TSHZ2: variants seen among roughly 807,000 people sequenced by gnomAD.
TSHZ2 encodes the protein teashirt homolog 2.
In TSHZ2, 21 loss-of-function variants were observed where a neutral mutation model predicts 74.4. The ratio of observed to expected loss-of-function variants is 0.28; its 90% CI spans 0.20 to 0.41. TSHZ2 has a LOEUF of 0.41. Among genes scored for constraint, TSHZ2 ranks in the 10% least tolerant of loss-of-function variants. The pLI is 1.00. For missense variants in TSHZ2, 1,244 were observed against 1,293.5 expected, an observed-to-expected ratio of 0.96 and a Z score of 0.59; for synonymous variants, 540 against 515.3, an observed-to-expected ratio of 1.05 and a Z score of -0.65.
intron 1 of TSHZ2, among the ~76,000 whole-genome samples, chr20:53,081,438 C>G (rs1365478598): frequency 1.3e-5 from 2 of 152,204 alleles, no homozygotes; most frequent in Non-Finnish European, 2.9e-5. Flanking sequence ...ACACTGAACA[C>G]AGAAAACTGC....
intron 1 of TSHZ2, among the ~76,000 whole-genome samples, chr20:53,117,945 G>A (rs1354739947): frequency 6.6e-6 from 1 of 152,164 alleles, no homozygotes; most frequent in Non-Finnish European, 1.5e-5. Flanking sequence ...TGAGAAGTGT[G>A]TATTTTCATA....
intron 1 of TSHZ2, among the ~76,000 whole-genome samples, chr20:53,104,923 G>A (rs567554783): frequency 6.6e-6 from 1 of 152,312 alleles, no homozygotes; most frequent in South Asian, 2.1e-4. Flanking sequence ...TTTCCCGGGA[G>A]AGTTTTCTTC....
rs972526282 is a variant in TSHZ2, at chr20:53,494,069, G to A, written c.*6934G>A. The A allele has an allele frequency of 2.6e-5, 4 of 152,330 alleles. No homozygotes were observed. The highest frequency in any genetic ancestry group is 9.7e-5 in the African/African-American group (4 of 41,440). 9.4% of individuals were successfully genotyped at this position (152,330 alleles called of 1,614,324 possible). ...GAAGGCTGAGGCAGGCGGATCACTT[G>A]AGGTCAGGAGTTTCAGACCAACCTG... On this transcript the variant is annotated 3_prime_UTR_variant, in exon 3 of 3. Transcript: ENST00000371497.
At chr20:53,189,067 A>G (rs925384846) in intron 1 of TSHZ2, among the ~76,000 whole-genome samples, 73 of 152,338 alleles carry the variant, frequency 4.8e-4, no homozygotes, top group African/African-American at 1.7e-3. Flanking sequence ...AAGGATTTGC[A>G]TATCATTTAT....
intron 2 of TSHZ2, among the ~76,000 whole-genome samples, chr20:53,439,432 C>T (rs1600640145): frequency 6.6e-6 from 1 of 152,168 alleles, no homozygotes; most frequent in Non-Finnish European, 1.5e-5. Context: ...CCCTTTCTAG[C>T]CATTTCTGGT....
At position 53,370,527 on chromosome 20, in the gene TSHZ2, G is replaced by A. The variant is rs149660410; in HGVS notation, c.*8+113956G>A. Among the ~76,000 whole-genome samples the A allele has an allele frequency of 2.8e-4, 43 of 152,310 alleles. No individual in the cohort carries two copies. In the East Asian group the frequency reaches 5.2e-3, roughly 18 times the overall value. On this transcript the variant is annotated intron_variant, in intron 2 of 2. Transcript: ENST00000371497. Reference sequence around the variant, plus strand: ...TGTGATCCCAGCACTTTGGAAGACCGAGGCAGACGGATAGATTGAGCCCAG... The same window carrying A: ...TGTGATCCCAGCACTTTGGAAGACCAAGGCAGACGGATAGATTGAGCCCAG...
At chr20:53,431,295 A>G (rs1316799147) in intron 2 of TSHZ2, among the ~76,000 whole-genome samples, 1 of 152,022 alleles carries the variant, frequency 6.6e-6, no homozygotes, top group Non-Finnish European at 1.5e-5. Context: ...CATCTCTACT[A>G]AAAATACAAA....
chr20:53,277,401 T>C (rs1990968492), intron 2 of TSHZ2, among the ~76,000 whole-genome samples: 1 of 152,102 alleles, frequency 6.6e-6, no homozygotes, highest in South Asian at 2.1e-4. Context: ...TATTGTTTCT[T>C]TGCTTCTCTA....
intron 2 of TSHZ2, among the ~76,000 whole-genome samples, chr20:53,347,462 C>T (rs577425545): frequency 5.9e-5 from 9 of 152,212 alleles, no homozygotes; most frequent in Middle Eastern, 3.4e-3. Context: ...CCCAGCTAGA[C>T]GTTGTCCAAT....
At chr20:53,379,826 C>T (rs971991142) in intron 2 of TSHZ2, among the ~76,000 whole-genome samples, 11 of 152,118 alleles carry the variant, frequency 7.2e-5, no homozygotes, top group Admixed American at 2.0e-4. Flanking sequence ...TCAAACATAT[C>T]TGTGATTAAA....
chr20:53,361,898 T>A (rs535551208), intron 2 of TSHZ2, among the ~76,000 whole-genome samples: 1 of 138,260 alleles, frequency 7.2e-6, no homozygotes, highest in Admixed American at 7.4e-5. Context: ...GTTGTTGTTG[T>A]TTGTGTTGTT....
intron 1 of TSHZ2, among the ~76,000 whole-genome samples, chr20:53,088,872 G>C (rs1985781107): frequency 1.3e-5 from 2 of 152,130 alleles, no homozygotes; most frequent in South Asian, 4.1e-4. Flanking sequence ...CTGCAGCTCT[G>C]TTTGTGAAAT....
intron 1 of TSHZ2, among the ~76,000 whole-genome samples, chr20:53,136,995 A>G (rs1364314759): frequency 6.6e-6 from 1 of 152,170 alleles, no homozygotes; most frequent in African/African-American, 2.4e-5. Context: ...ATGGACTGAT[A>G]TCGTCTAGAT....
intron 2 of TSHZ2, among the ~76,000 whole-genome samples, chr20:53,433,175 A>T (rs1382605568): frequency 6.6e-6 from 1 of 152,236 alleles, no homozygotes; most frequent in Non-Finnish European, 1.5e-5. Flanking sequence ...ATGCTGTGAC[A>T]TATTTAACTG....
intron 1 of TSHZ2, among the ~76,000 whole-genome samples, chr20:53,209,759 C>T (rs529835074): frequency 6.6e-6 from 1 of 152,284 alleles, no homozygotes; most frequent in East Asian, 1.9e-4. Flanking sequence ...AACACTTCCC[C>T]TTGTGCTTCT....
At chr20:53,300,196 G>A (rs995376966) in intron 2 of TSHZ2, among the ~76,000 whole-genome samples, 1 of 152,070 alleles carries the variant, frequency 6.6e-6, no homozygotes, top group African/African-American at 2.4e-5. Context: ...TAGGTTCTGT[G>A]GTATTGTTTC....
chr20:53,308,520 A>G (rs1416871150), intron 2 of TSHZ2, among the ~76,000 whole-genome samples: 3 of 152,192 alleles, frequency 2.0e-5, no homozygotes, highest in Non-Finnish European at 2.9e-5. Flanking sequence ...GCAAAAGGCC[A>G]CCGACACTTA....
intron 1 of TSHZ2, among the ~76,000 whole-genome samples, chr20:53,073,679 CT>C (rs1161240335): frequency 6.6e-6 from 1 of 152,014 alleles, no homozygotes; most frequent in East Asian, 1.9e-4. Flanking sequence ...CTAATGGATG[CT>C]TTTCAACAGT....
At chr20:53,370,282 C>T (rs375148185) in intron 2 of TSHZ2, among the ~76,000 whole-genome samples, 4 of 152,202 alleles carry the variant, frequency 2.6e-5, no homozygotes, top group South Asian at 2.1e-4. Context: ...GTGGACTTCC[C>T]GGAGGAGGGG....
Sources: gnomAD v4.1 joint callset for allele counts (sites outside exome capture counted in the v4.1 genomes callset) on GRCh38, gnomAD v4.1.1 for gene constraint, MANE v1.5 for transcripts, NCBI Gene and HGNC (gene_info 2026-07-23, HGNC 2026-07-21) for gene names.